The following KDM4B variants were observed in gnomAD, a reference collection of about 807,000 sequenced individuals.
KDM4B encodes the protein lysine-specific demethylase 4B.
In KDM4B, 32 loss-of-function variants were observed where a neutral mutation model predicts 125.2. The observed-to-expected ratio is 0.26, with a 90% confidence interval of 0.19 to 0.34. The LOEUF (loss-of-function observed/expected upper bound fraction) is 0.34. KDM4B is among the 10% of genes least tolerant of loss of function. The pLI is 1.00. For missense variants in KDM4B, 1,190 were observed against 1,577.7 expected, an observed-to-expected ratio of 0.75 and a Z score of 4.16; for synonymous variants, 721 against 677.9, an observed-to-expected ratio of 1.06 and a Z score of -0.99.
chr19:5,032,488 C>A (rs73921831), intron 2 of KDM4B, among the ~76,000 whole-genome samples: 1 of 152,204 alleles, frequency 6.6e-6, no homozygotes, highest in Non-Finnish European at 1.5e-5. Flanking sequence ...GCCGCGGTCT[C>A]TCGTGCGGAT....
At chr19:5,111,277 A>G (rs1189474564) in intron 10 of KDM4B, 2 of 692,914 alleles carry the variant, frequency 2.9e-6, no homozygotes, top group South Asian at 1.6e-5. Context: ...CAAGGACTCA[A>G]CGGGGCATCA....
chr19:4,987,256 C>T (rs982059261), intron 1 of KDM4B, among the ~76,000 whole-genome samples: 4 of 152,350 alleles, frequency 2.6e-5, no homozygotes, highest in South Asian at 2.1e-4. Context: ...CAAAATGCAG[C>T]TGGCAGTTAA....
intron 1 of KDM4B, among the ~76,000 whole-genome samples, chr19:4,987,326 G>A (rs2034872325): frequency 2.6e-5 from 4 of 152,342 alleles, no homozygotes; most frequent in South Asian, 2.1e-4. Flanking sequence ...GGTCAGGAGC[G>A]CTTTCTCTTA....
chr19:5,022,345 TAGGGCAC>T (rs1222543304), intron 2 of KDM4B, among the ~76,000 whole-genome samples: 2 of 152,140 alleles, frequency 1.3e-5, no homozygotes, highest in African/African-American at 2.4e-5. Flanking sequence ...CTTGGGTACG[TAGGGCAC>T]AGGGCACAGG....
At chr19:5,148,569 C>T (rs567626763) in intron 21 of KDM4B, among the ~76,000 whole-genome samples, 12 of 152,332 alleles carry the variant, frequency 7.9e-5, no homozygotes, top group South Asian at 2.1e-4. Flanking sequence ...GAGGCCGAGT[C>T]GGGGCCGGGG....
At chr19:5,039,351 A>C (rs1281126220) in intron 3 of KDM4B, among the ~76,000 whole-genome samples, 1 of 152,134 alleles carries the variant, frequency 6.6e-6, no homozygotes, top group African/African-American at 2.4e-5. Context: ...ACTACTCGGG[A>C]GGCTGAGGTG....
intron 11 of KDM4B, among the ~76,000 whole-genome samples, chr19:5,130,672 C>T (rs1408290160): frequency 1.3e-5 from 2 of 152,282 alleles, no homozygotes; most frequent in East Asian, 1.9e-4. Flanking sequence ...TTCTCCCCCA[C>T]CTCCACCGGG....
intron 1 of KDM4B, among the ~76,000 whole-genome samples, chr19:5,002,816 T>C (rs2035434030): frequency 1.3e-5 from 2 of 151,912 alleles, no homozygotes; most frequent in Admixed American, 1.3e-4. Flanking sequence ...CCAGGCATAG[T>C]GGTGTATGCC....
chr19:4,977,442 G>A (rs983067456), intron 1 of KDM4B, among the ~76,000 whole-genome samples: 2 of 152,190 alleles, frequency 1.3e-5, no homozygotes, highest in African/African-American at 2.4e-5. Flanking sequence ...CTGTGAAAAC[G>A]TCAGCTGAGG....
intron 5 of KDM4B, 74 bp downstream of exon 5, chr19:5,041,325 C>A: frequency 8.5e-7 from 1 of 1,173,944 alleles, no homozygotes; most frequent in Non-Finnish European, 1.3e-6. Context: ...CTGAACGGGA[C>A]TCTGCCTTGG....
intron 21 of KDM4B, among the ~76,000 whole-genome samples, chr19:5,149,329 G>A (rs957129657): frequency 1.3e-5 from 2 of 152,258 alleles, no homozygotes; most frequent in African/African-American, 4.8e-5. Context: ...ACAGTCTTAT[G>A]TGTGCATTTT....
At chr19:5,077,249 T>G in intron 7 of KDM4B, 118 bp from the exon 8 acceptor site, 1 of 814,460 alleles carries the variant, frequency 1.2e-6, no homozygotes, top group Non-Finnish European at 2.0e-6. Context: ...CCGTGCTCTG[T>G]GCTCCCACAC....
chr19:5,052,545 C>T (rs1177965150), intron 6 of KDM4B, among the ~76,000 whole-genome samples: 1 of 152,184 alleles, frequency 6.6e-6, no homozygotes, highest in Non-Finnish European at 1.5e-5. Flanking sequence ...TACCCCTCTG[C>T]TGCCCGCCTA....
chr19:5,092,768 G>A (rs921333175), intron 9 of KDM4B, among the ~76,000 whole-genome samples: 21 of 152,144 alleles, frequency 1.4e-4, no homozygotes, highest in Admixed American at 1.4e-3. Context: ...GAGGGGGCTC[G>A]CAGGGCCTGG....
At chr19:5,137,896 C>A in intron 17 of KDM4B, 66 bp from the exon 18 acceptor site, 1 of 1,392,570 alleles carries the variant, frequency 7.2e-7, no homozygotes. Context: ...ACATCACGCC[C>A]AGCCCCTCTG....
chr19:5,119,756 A>G lies in KDM4B; in HGVS notation c.1219A>G (p.Ser407Gly). ...GAALLEEAGG[S>G]VKEEAGPEVD... ...AGCGCTCCTAGAGGAGGCTGGGGGC[A>G]GCGTGAAGGAGGAGGCTGGGCCGGA... The change falls in exon 11 of 23, where the codon AGC becomes GGC. Residue 407 changes from serine to glycine, a missense_variant. By Grantham distance (56) the Ser-to-Gly change is moderately conservative (BLOSUM62 0). This residue lies in a region of KDM4B where 428 missense variants were observed against 405.1 expected (regional missense o/e 1.06). Coordinates refer to ENST00000159111, the MANE Select transcript of KDM4B (RefSeq NM_015015.3). The G allele has an allele frequency of 6.5e-7, 1 of 1,547,930 alleles. No individual in the cohort carries two copies. The highest frequency in any genetic ancestry group is 1.4e-5 in the African/African-American group (1 of 73,078).
intron 9 of KDM4B, among the ~76,000 whole-genome samples, chr19:5,085,777 T>C (rs1202281767): frequency 6.6e-6 from 1 of 152,168 alleles, no homozygotes; most frequent in Non-Finnish European, 1.5e-5. Flanking sequence ...AAGGCCTCTG[T>C]GGCCGTCGGG....
chr19:5,022,330 C>T (rs1252799768), intron 2 of KDM4B, among the ~76,000 whole-genome samples: 1 of 152,192 alleles, frequency 6.6e-6, no homozygotes, highest in Non-Finnish European at 1.5e-5. Flanking sequence ...CCTCACACCA[C>T]CTCTCTTGGG....
chr19:5,129,718 C>T (rs997970318), intron 11 of KDM4B, among the ~76,000 whole-genome samples: 1 of 152,180 alleles, frequency 6.6e-6, no homozygotes, highest in Admixed American at 6.5e-5. Flanking sequence ...CCAGAATGTC[C>T]CAAGAGCCTT....
Sources: allele counts gnomAD v4.1 joint callset (sites outside exome capture counted in the v4.1 genomes callset), GRCh38; gene constraint gnomAD v4.1.1; regional missense constraint gnomAD v4.1.1; transcripts MANE v1.5; gene names NCBI Gene and HGNC (gene_info 2026-07-23, HGNC 2026-07-21).